Variants in SPAG16 observed in about 807,000 individuals in gnomAD.
SPAG16 encodes sperm associated antigen 16.
Under a neutral mutation model 80.4 loss-of-function variants are expected in SPAG16, and 86 were observed. The ratio of observed to expected loss-of-function variants is 1.07; its 90% CI spans 0.90 to 1.28. The LOEUF is 1.28. SPAG16 is among the 50% of genes most tolerant of loss of function. The pLI, the probability that SPAG16 is intolerant of heterozygous loss-of-function variation, is 0.00. For missense variants in SPAG16, 870 were observed against 765.3 expected, an observed-to-expected ratio of 1.14 and a Z score of -1.61; for synonymous variants, 294 against 265.9, an observed-to-expected ratio of 1.11 and a Z score of -1.03.
intron 12 of SPAG16, among the ~76,000 whole-genome samples, chr2:213,956,516 C>T (rs1185118423): frequency 1.4e-5 from 2 of 145,374 alleles, no homozygotes; most frequent in Non-Finnish European, 1.5e-5. Flanking sequence ...GGTGTAATCT[C>T]GGCTCACTGC....
At chr2:213,353,671 A>C (rs73990304) in intron 7 of SPAG16, among the ~76,000 whole-genome samples, 2,015 of 152,080 alleles carry the variant, frequency 0.013, 42 homozygotes, top group African/African-American at 0.045. Flanking sequence ...ACCTGTTGTT[A>C]CCTCGTCCCT....
intron 15 of SPAG16, among the ~76,000 whole-genome samples, chr2:214,164,488 A>AT (rs2056571764): frequency 6.6e-6 from 1 of 152,104 alleles, no homozygotes; most frequent in Non-Finnish European, 1.5e-5. Flanking sequence ...AATCTAAATT[A>AT]TGCTTTTTGT....
chr2:213,781,942 G>A (rs1393609173), intron 10 of SPAG16, among the ~76,000 whole-genome samples: 1 of 152,116 alleles, frequency 6.6e-6, no homozygotes, highest in Non-Finnish European at 1.5e-5. Context: ...AGAGCAAAAA[G>A]AGCTAATAGA....
At chr2:213,569,276 A>G (rs2059841522) in intron 10 of SPAG16, among the ~76,000 whole-genome samples, 1 of 2,518 alleles carries the variant, frequency 4.0e-4, no homozygotes, top group African/African-American at 3.3e-3. Context: ...ACTATGTTGA[A>G]TAGGAGCGGT....
chr2:213,355,698 T>C (rs898716134), intron 7 of SPAG16, among the ~76,000 whole-genome samples: 3 of 152,214 alleles, frequency 2.0e-5, no homozygotes, highest in Non-Finnish European at 4.4e-5. Context: ...TGCTTGTGAT[T>C]GTTGCACATT....
intron 1 of SPAG16, among the ~76,000 whole-genome samples, chr2:213,290,599 G>A (rs975995543): frequency 7.2e-5 from 11 of 152,178 alleles, no homozygotes; most frequent in Non-Finnish European, 7.3e-5. Context: ...AGGGCTCAAA[G>A]GCAGCTTGAC....
intron 13 of SPAG16, among the ~76,000 whole-genome samples, chr2:214,059,997 C>T (rs1466287419): frequency 6.6e-6 from 1 of 152,124 alleles, no homozygotes; most frequent in African/African-American, 2.4e-5. Flanking sequence ...CTGTATCACT[C>T]ACAGGACCTG....
intron 10 of SPAG16, among the ~76,000 whole-genome samples, chr2:213,687,502 T>A (rs2064739553): frequency 6.6e-6 from 1 of 152,216 alleles, no homozygotes; most frequent in African/African-American, 2.4e-5. Flanking sequence ...TATTTTAGCA[T>A]TTTTTAAATG....
chr2:214,086,730 G>A (rs1287012449), intron 13 of SPAG16, among the ~76,000 whole-genome samples: 1 of 152,032 alleles, frequency 6.6e-6, no homozygotes. Context: ...TAATACAGTT[G>A]CCTATATTTT....
intron 9 of SPAG16, among the ~76,000 whole-genome samples, chr2:213,488,672 G>A (rs2074099851): frequency 6.6e-6 from 1 of 152,094 alleles, no homozygotes; most frequent in Non-Finnish European, 1.5e-5. Flanking sequence ...AAACCACAGT[G>A]TTAATAGTAT....
At chr2:213,516,777 A>G (rs1412432845) in intron 10 of SPAG16, among the ~76,000 whole-genome samples, 1 of 152,240 alleles carries the variant, frequency 6.6e-6, no homozygotes, top group East Asian at 1.9e-4. Flanking sequence ...TGAGTATAGC[A>G]TTGAGAAATG....
chr2:213,700,170 A>G (rs976926234), intron 10 of SPAG16, among the ~76,000 whole-genome samples: 6 of 152,180 alleles, frequency 3.9e-5, no homozygotes, highest in Admixed American at 1.3e-4. Context: ...GCAAATGTCA[A>G]TCTAAGCATT....
intron 15 of SPAG16, among the ~76,000 whole-genome samples, chr2:214,250,747 TATATATATATAGAGAGAGAG>T (rs946491575): frequency 6.6e-5 from 6 of 90,428 alleles, no homozygotes; most frequent in African/African-American, 1.9e-4. Context: ...TATATATATA[TATATATATATAGAGAGAGAG>T]AGAGAGAGAG....
chr2:214,390,542 A>G (rs998361569), intron 15 of SPAG16, among the ~76,000 whole-genome samples: 1 of 152,028 alleles, frequency 6.6e-6, no homozygotes, highest in Non-Finnish European at 1.5e-5. Flanking sequence ...TCATAATCCA[A>G]ATGCTGAATT....
At chr2:213,940,547 A>G (rs1027844422) in intron 12 of SPAG16, among the ~76,000 whole-genome samples, 5 of 152,168 alleles carry the variant, frequency 3.3e-5, no homozygotes, top group African/African-American at 9.7e-5. Flanking sequence ...CTCCTGCCTT[A>G]TTCTCTAGAG....
chr2:213,322,890 G>A (rs942444114), intron 5 of SPAG16, among the ~76,000 whole-genome samples: 3 of 152,118 alleles, frequency 2.0e-5, no homozygotes, highest in Non-Finnish European at 4.4e-5. Flanking sequence ...TAAAGAGGAT[G>A]TGGTGAAGAC....
At chr2:213,454,130 C>T (rs2071863396) in intron 9 of SPAG16, among the ~76,000 whole-genome samples, 1 of 152,156 alleles carries the variant, frequency 6.6e-6, no homozygotes, top group Admixed American at 6.5e-5. Flanking sequence ...AACCACAACT[C>T]TCCAGCGAAA....
intron 11 of SPAG16, among the ~76,000 whole-genome samples, chr2:213,910,512 G>A (rs1285023111): frequency 1.9e-4 from 5 of 26,430 alleles, no homozygotes; most frequent in African/African-American, 2.7e-4. Flanking sequence ...TTTTTGAGAC[G>A]GAGTCTCGCT....
At chr2:213,356,846 G>A (rs1395528245) in intron 7 of SPAG16, among the ~76,000 whole-genome samples, 2 of 152,130 alleles carry the variant, frequency 1.3e-5, no homozygotes, top group Non-Finnish European at 2.9e-5. Context: ...ATGTTAGGGT[G>A]TTGATTTTAG....
Sources: gnomAD v4.1 joint callset for allele counts (sites outside exome capture counted in the v4.1 genomes callset) on GRCh38, gnomAD v4.1.1 for gene constraint, MANE v1.5 for transcripts, NCBI Gene and HGNC (gene_info 2026-07-23, HGNC 2026-07-21) for gene names.